Variants in LRRC7 observed in about 807,000 individuals in gnomAD.
LRRC7 encodes leucine-rich repeat-containing protein 7.
In LRRC7, 23 loss-of-function variants were observed where a neutral mutation model predicts 175.7. That is an observed-to-expected ratio of 0.13 (90% CI 0.09 to 0.19). The LOEUF is 0.19. Ranked by LOEUF, LRRC7 falls within the 10% of genes least tolerant of loss-of-function variation. The pLI, the probability that LRRC7 is intolerant of heterozygous loss-of-function variation, is 1.00. For synonymous variants in LRRC7, 685 were observed against 680.9 expected (o/e 1.01, Z -0.09); for missense variants, 1,354 against 1,904.7 (o/e 0.71, Z 5.38).
Position 70,138,060 on chromosome 1 carries a change from T to C in LRRC7, c.*16173T>C, listed in dbSNP as rs1445821068. The C allele has an allele frequency of 6.6e-6, 1 of 152,252 alleles. No individual in the cohort carries two copies. Among genetic ancestry groups the C allele is most frequent in the East Asian group, 1.9e-4 (1 of 5,202 alleles). 9.4% of individuals were successfully genotyped at this position (152,252 alleles called of 1,614,324 possible). On this transcript the variant is annotated 3_prime_UTR_variant, in exon 27 of 27. Coordinates refer to ENST00000651989, the MANE Select transcript of LRRC7 (RefSeq NM_001370785.2). ...AAAGTGTATGAATTCAGTTATGGTCTGGAAAATTAGCTGCCATTTTGTGAT... is the reference window on the plus strand; with the variant it reads ...AAAGTGTATGAATTCAGTTATGGTCCGGAAAATTAGCTGCCATTTTGTGAT...
chr1:69,697,714 C>A (rs1340755), intron 2 of LRRC7, among the ~76,000 whole-genome samples: 16,457 of 152,112 alleles, frequency 0.11, 1,479 homozygotes, highest in African/African-American at 0.25. Context: ...GCTGACAGCC[C>A]ATAGCCCCAT....
At chr1:69,572,247 T>C (rs1206073265) in intron 1 of LRRC7, among the ~76,000 whole-genome samples, 2 of 152,142 alleles carry the variant, frequency 1.3e-5, no homozygotes, top group Non-Finnish European at 2.9e-5. Context: ...CAGTCTTCAA[T>C]AGAGAGTTTT....
At chr1:70,074,457 T>C (rs1171939803) in intron 23 of LRRC7, among the ~76,000 whole-genome samples, 2 of 152,192 alleles carry the variant, frequency 1.3e-5, no homozygotes, top group Non-Finnish European at 2.9e-5. Context: ...ATAGATACAA[T>C]AGAGAAATAC....
intron 2 of LRRC7, among the ~76,000 whole-genome samples, chr1:69,738,514 CTT>C (rs1044668801): frequency 3.3e-5 from 5 of 152,038 alleles, no homozygotes; most frequent in Non-Finnish European, 7.4e-5. Context: ...ACTTGAAACT[CTT>C]TAAAATAAAA....
At chr1:69,599,143 A>C (rs940346086) in intron 1 of LRRC7, among the ~76,000 whole-genome samples, 5 of 151,398 alleles carry the variant, frequency 3.3e-5, no homozygotes, top group Non-Finnish European at 7.4e-5. Flanking sequence ...TTTACAATAA[A>C]AAAAAAAGGG....
chr1:69,918,533 G>A (rs1249737781), intron 7 of LRRC7, among the ~76,000 whole-genome samples: 2 of 152,092 alleles, frequency 1.3e-5, no homozygotes, highest in African/African-American at 4.8e-5. Flanking sequence ...ACTGGCACAC[G>A]AACAAGAAAA....
At chr1:69,857,489 A>G (rs887149939) in intron 7 of LRRC7, among the ~76,000 whole-genome samples, 8 of 152,092 alleles carry the variant, frequency 5.3e-5, no homozygotes, top group Non-Finnish European at 1.2e-4. Flanking sequence ...CAGCCAAATC[A>G]TGAGTGAACT....
At chr1:69,908,143 C>T (rs916257331) in intron 7 of LRRC7, among the ~76,000 whole-genome samples, 7 of 151,940 alleles carry the variant, frequency 4.6e-5, no homozygotes, top group African/African-American at 1.7e-4. Context: ...CTATTTCATT[C>T]TTCTCTCTTT....
At chr1:70,072,253 C>A (rs900856078) in intron 23 of LRRC7, among the ~76,000 whole-genome samples, 3 of 152,156 alleles carry the variant, frequency 2.0e-5, no homozygotes, top group African/African-American at 7.2e-5. Flanking sequence ...TTTACAGAAA[C>A]CTTCATGTTC....
intron 1 of LRRC7, among the ~76,000 whole-genome samples, chr1:69,584,882 C>T (rs1334406923): frequency 6.7e-6 from 1 of 148,518 alleles, no homozygotes; most frequent in African/African-American, 2.5e-5. Flanking sequence ...ACCTCAGGCC[C>T]TTTGCCTGTG....
chr1:69,621,293 G>A (rs377020583), intron 1 of LRRC7, among the ~76,000 whole-genome samples: 2 of 152,028 alleles, frequency 1.3e-5, no homozygotes, highest in Non-Finnish European at 2.9e-5. Context: ...TGATCCACCC[G>A]CCTTGACCTC....
rs184539419 is a variant in LRRC7, at chr1:69,677,503, A to G, written c.3-878A>G. On this transcript the variant is annotated intron_variant, in intron 1 of 26. Coordinates refer to ENST00000651989, the MANE Select transcript of LRRC7 (RefSeq NM_001370785.2). ...TTGAGAAATCTCCATACTGTTTTTC[A>G]TAGAGAGTATACTAGTTTACATTCC... Among the ~76,000 whole-genome samples the G allele has an allele frequency of 3.8e-3, 579 of 151,928 alleles. 1 individual carries two copies. Among genetic ancestry groups the G allele is most frequent in the Non-Finnish European group, 6.3e-3 (425 of 67,942 alleles).
intron 1 of LRRC7, among the ~76,000 whole-genome samples, chr1:69,579,749 G>A (rs1340146542): frequency 6.6e-6 from 1 of 150,852 alleles, no homozygotes; most frequent in Non-Finnish European, 1.5e-5. Flanking sequence ...CCCAGCCATA[G>A]CCATATGACT....
intron 1 of LRRC7, among the ~76,000 whole-genome samples, chr1:69,669,068 C>G (rs1658683972): frequency 6.6e-6 from 1 of 151,886 alleles, no homozygotes; most frequent in South Asian, 2.1e-4. Flanking sequence ...TTTCATTGGT[C>G]CATCCTTTAG....
chr1:70,016,998 G>T (rs1657016980), intron 14 of LRRC7, among the ~76,000 whole-genome samples: 1 of 151,900 alleles, frequency 6.6e-6, no homozygotes, highest in Non-Finnish European at 1.5e-5. Context: ...GAAATATCAG[G>T]CTGGGCGCGG....
At chr1:69,946,693 C>T (rs757948865) in intron 8 of LRRC7, among the ~76,000 whole-genome samples, 13 of 143,368 alleles carry the variant, frequency 9.1e-5, no homozygotes, top group Admixed American at 1.4e-4. Context: ...CTAATTTGTC[C>T]GATATAAATA....
intron 11 of LRRC7, among the ~76,000 whole-genome samples, chr1:69,995,818 A>G (rs12029363): frequency 0.057 from 8,611 of 150,194 alleles, 245 homozygotes; most frequent in South Asian, 0.097. Context: ...GGACATTTGG[A>G]TTGGTTCCAA....
chr1:70,118,541 T>C (rs928554378), intron 26 of LRRC7, among the ~76,000 whole-genome samples: 8 of 152,166 alleles, frequency 5.3e-5, no homozygotes, highest in African/African-American at 1.9e-4. Context: ...AAAATGTTCA[T>C]TATTTTATCA....
At chr1:69,861,123 G>A (rs933178869) in intron 7 of LRRC7, among the ~76,000 whole-genome samples, 1 of 151,934 alleles carries the variant, frequency 6.6e-6, no homozygotes, top group African/African-American at 2.4e-5. Context: ...GAAATAATTA[G>A]TTATAAATTT....
Sources: gnomAD v4.1 joint callset for allele counts (sites outside exome capture counted in the v4.1 genomes callset) on GRCh38, gnomAD v4.1.1 for gene constraint, MANE v1.5 for transcripts, NCBI Gene and HGNC (gene_info 2026-07-23, HGNC 2026-07-21) for gene names.